ENTREP2: variants seen among roughly 807,000 people sequenced by gnomAD.
ENTREP2 encodes the protein protein ENTREP2.
the ENTREP2 span, among the ~76,000 whole-genome samples, chr15:29,260,856 A>C: frequency 2.0e-5 from 3 of 152,242 alleles, no homozygotes; most frequent in Admixed American, 2.0e-4. Context: ...TGTTAATATA[A>C]TACTAAAAAG....
At chr15:29,533,220 T>C in the ENTREP2 span, among the ~76,000 whole-genome samples, 2 of 152,206 alleles carry the variant, frequency 1.3e-5, no homozygotes, top group East Asian at 3.9e-4. Flanking sequence ...TCTCTTGCAG[T>C]GCGCTATGTC....
the ENTREP2 span, among the ~76,000 whole-genome samples, chr15:29,419,077 AAAC>A: frequency 6.6e-6 from 1 of 152,242 alleles, no homozygotes; most frequent in African/African-American, 2.4e-5. Flanking sequence ...AGGCAAGGAC[AAAC>A]AACAGCAAGA....
At chr15:29,655,237 G>A in the ENTREP2 span, among the ~76,000 whole-genome samples, 1 of 152,160 alleles carries the variant, frequency 6.6e-6, no homozygotes, top group African/African-American at 2.4e-5. Flanking sequence ...GACTACAGCT[G>A]AGAGTGTAAC....
chr15:29,309,687 G>A, the ENTREP2 span, among the ~76,000 whole-genome samples: 1 of 151,686 alleles, frequency 6.6e-6, no homozygotes, highest in Non-Finnish European at 1.5e-5. Context: ...TACTTGGGAG[G>A]CTGATGCAGG....
the ENTREP2 span, chr15:29,128,929 G>C: frequency 3.6e-6 from 4 of 1,118,712 alleles, no homozygotes; most frequent in Non-Finnish European, 5.2e-6. Flanking sequence ...GCAGCCTCCA[G>C]TAGTGTAGGC....
chr15:29,243,054 G>A, the ENTREP2 span, among the ~76,000 whole-genome samples: 4 of 152,212 alleles, frequency 2.6e-5, no homozygotes, highest in Admixed American at 1.3e-4. Flanking sequence ...CACACGCCAC[G>A]GCGAGGATGC....
chr15:29,407,843 T>C, the ENTREP2 span, among the ~76,000 whole-genome samples: 1 of 142,278 alleles, frequency 7.0e-6, no homozygotes, highest in Non-Finnish European at 1.6e-5. Context: ...TTTTTTGGGG[T>C]TTTTTTTGCA....
chr15:29,243,099 G>A, the ENTREP2 span, among the ~76,000 whole-genome samples: 1 of 152,192 alleles, frequency 6.6e-6, no homozygotes, highest in African/African-American at 2.4e-5. Flanking sequence ...GAAGCACGTG[G>A]CTGAGTTTAT....
the ENTREP2 span, among the ~76,000 whole-genome samples, chr15:29,242,375 A>C: frequency 6.6e-6 from 1 of 152,284 alleles, no homozygotes; most frequent in African/African-American, 2.4e-5. Flanking sequence ...GGCCAAAAGA[A>C]TTTTTTAAAT....
chr15:29,605,854 T>A, the ENTREP2 span, among the ~76,000 whole-genome samples: 2 of 151,860 alleles, frequency 1.3e-5, no homozygotes, highest in Non-Finnish European at 2.9e-5. Context: ...AAATAAAATA[T>A]GGATTCAGAA....
At chr15:29,145,339 C>G in the ENTREP2 span, among the ~76,000 whole-genome samples, 3 of 152,226 alleles carry the variant, frequency 2.0e-5, no homozygotes, top group East Asian at 1.9e-4. Context: ...AAAGACCCAA[C>G]AGGCTGGACA....
chr15:29,490,376 A>C, the ENTREP2 span, among the ~76,000 whole-genome samples: 4 of 152,184 alleles, frequency 2.6e-5, no homozygotes, highest in African/African-American at 9.7e-5. Flanking sequence ...CGAAAGAACA[A>C]AACCTCCACA....
chr15:29,448,388 A>C, the ENTREP2 span, among the ~76,000 whole-genome samples: 1 of 152,202 alleles, frequency 6.6e-6, no homozygotes, highest in Non-Finnish European at 1.5e-5. Context: ...AAGTATCTTC[A>C]TAACTGGAAT....
chr15:29,396,940 T>A, the ENTREP2 span, among the ~76,000 whole-genome samples: 1 of 152,198 alleles, frequency 6.6e-6, no homozygotes, highest in Admixed American at 6.5e-5. Flanking sequence ...GGGATAATTG[T>A]TAAATGTAAA....
chr15:29,535,517 A>G, the ENTREP2 span, among the ~76,000 whole-genome samples: 1 of 152,100 alleles, frequency 6.6e-6, no homozygotes, highest in Non-Finnish European at 1.5e-5. Flanking sequence ...CCCTGTCTCT[A>G]CAAAGAAAAA....
chr15:29,159,446 G>C, the ENTREP2 span, among the ~76,000 whole-genome samples: 7 of 152,176 alleles, frequency 4.6e-5, no homozygotes, highest in Non-Finnish European at 1.0e-4. Context: ...GGACAGGGCC[G>C]GGTTGCTACT....
the ENTREP2 span, among the ~76,000 whole-genome samples, chr15:29,129,374 A>G: frequency 1.9e-4 from 29 of 152,108 alleles, 1 homozygote; most frequent in Admixed American, 1.4e-3. Flanking sequence ...CCGAAAGCCT[A>G]TTTTTCTGAA....
At chr15:29,177,218 C>T in the ENTREP2 span, among the ~76,000 whole-genome samples, 4 of 152,118 alleles carry the variant, frequency 2.6e-5, no homozygotes, top group African/African-American at 9.7e-5. Flanking sequence ...CGAGGGGTCC[C>T]GCTCTCGTGT....
chr15:29,497,564 AATT>A, the ENTREP2 span, among the ~76,000 whole-genome samples: 1 of 152,144 alleles, frequency 6.6e-6, no homozygotes. Flanking sequence ...CTTCTGGGCT[AATT>A]TATTGGCATA....
Sources: gnomAD v4.1 joint callset for allele counts (sites outside exome capture counted in the v4.1 genomes callset) on GRCh38, gnomAD v4.1.1 for gene constraint, MANE v1.5 for transcripts, NCBI Gene and HGNC (gene_info 2026-07-23, HGNC 2026-07-21) for gene names.